The following COL4A4 variants were observed in gnomAD, a reference collection of about 807,000 sequenced individuals.
The protein encoded by COL4A4 is collagen type IV alpha 4 chain, also known as collagen alpha-4(IV) chain.
A neutral mutation model predicts 192.9 loss-of-function variants in COL4A4; 105 were observed. That is an observed-to-expected ratio of 0.54 (90% CI 0.46 to 0.64). The LOEUF is 0.64. Among genes scored for constraint, COL4A4 ranks in the 30% least tolerant of loss-of-function variants. COL4A4 has a pLI of 0.00. For synonymous variants in COL4A4, 762 were observed against 769.9 expected, an observed-to-expected ratio of 0.99 and a Z score of 0.17; for missense variants, 1,967 against 2,169.3, an observed-to-expected ratio of 0.91 and a Z score of 1.85.
chr2:227,099,957 T>C (rs1192933491), intron 17 of COL4A4, among the ~76,000 whole-genome samples: 1 of 152,224 alleles, frequency 6.6e-6, no homozygotes, highest in East Asian at 1.9e-4. Flanking sequence ...TCTATGCCTA[T>C]AAATTGGATA....
intron 37 of COL4A4, among the ~76,000 whole-genome samples, chr2:227,041,846 A>AAGAGAGAGAGAGAGAGAG (rs767450885): frequency 1.3e-4 from 5 of 39,302 alleles, no homozygotes; most frequent in African/African-American, 5.4e-4. Flanking sequence ...GAAAGAAAGA[A>AAGAGAGAGAGAGAGAGAG]AGAGAAAGAA....
At chr2:227,163,715 T>A (rs996873132) in intron 1 of COL4A4, among the ~76,000 whole-genome samples, 5 of 152,224 alleles carry the variant, frequency 3.3e-5, no homozygotes, top group Non-Finnish European at 7.3e-5. Flanking sequence ...CAGCGGAGAA[T>A]AAGATGGGCT....
Position 227,051,160 on chromosome 2 carries a change from T to C in COL4A4, c.2969-2A>G. 2 of 1,614,132 alleles carry C rather than the reference T, an allele frequency of 1.2e-6. No individual in the cohort carries two copies. The highest frequency in any genetic ancestry group is 1.7e-6 in the Non-Finnish European group (2 of 1,179,970). ...GCATCCCGGGAGTTCCTTTATCACC[T>C]GATGAAGTTGGAAGTGTTACAGGTC... On this transcript the variant is annotated splice_acceptor_variant, in intron 32 of 47. Coordinates refer to ENST00000396625, the MANE Select transcript of COL4A4 (RefSeq NM_000092.5). LOFTEE classifies it high-confidence loss of function.
intron 4 of COL4A4, among the ~76,000 whole-genome samples, chr2:227,134,265 C>G (rs1241044930): frequency 6.6e-6 from 1 of 152,184 alleles, no homozygotes; most frequent in Non-Finnish European, 1.5e-5. Flanking sequence ...TCTGAGTCTG[C>G]CATCTCTGAC....
downstream of COL4A4, among the ~76,000 whole-genome samples, chr2:227,001,657 G>C (rs189715600): frequency 4.6e-5 from 7 of 152,304 alleles, no homozygotes; most frequent in Admixed American, 4.6e-4. Context: ...GATTCTACTA[G>C]ATGGTGACTG....
chr2:227,156,276 G>A (rs1046734563), intron 1 of COL4A4, among the ~76,000 whole-genome samples: 1 of 151,822 alleles, frequency 6.6e-6, no homozygotes, highest in Non-Finnish European at 1.5e-5. Flanking sequence ...GCACGTGCCT[G>A]TATTCTCAGC....
Position 227,059,595 on chromosome 2 carries a change from A to C in COL4A4, c.2193T>G (p.Gly731=), listed in dbSNP as rs778524697. The change falls in exon 28 of 48, where the codon GGT becomes GGG. Residue 731 remains glycine (G), a synonymous_variant. Transcript: ENST00000396625. Reference sequence around the variant, plus strand: ...GGGAGGACCCCTTTTCACCTCCAAAACCCGGATCTCCCATGTCACCACGAA... The same window carrying C: ...GGGAGGACCCCTTTTCACCTCCAAACCCCGGATCTCCCATGTCACCACGAA... ...PGFRGDMGDP[G]FGGEKGSSPV... The C allele has an allele frequency of 4.0e-5, 65 of 1,613,896 alleles. No individual in the cohort carries two copies. The highest frequency in any genetic ancestry group is 4.9e-5 in the Non-Finnish European group (58 of 1,180,002).
chr2:226,969,761 A>C, the COL4A4 span, among the ~76,000 whole-genome samples: 4 of 152,214 alleles, frequency 2.6e-5, no homozygotes, highest in Admixed American at 2.0e-4. Flanking sequence ...GTTATTTTTT[A>C]AATGTGATTT....
intron 2 of COL4A4, among the ~76,000 whole-genome samples, chr2:227,145,840 C>T (rs2063514425): frequency 6.6e-6 from 1 of 152,190 alleles, no homozygotes; most frequent in Non-Finnish European, 1.5e-5. Flanking sequence ...CCTCTCTCCT[C>T]AGCTGTTTTC....
chr2:227,093,540 G>A (rs967829092), intron 20 of COL4A4, among the ~76,000 whole-genome samples: 3 of 151,716 alleles, frequency 2.0e-5, no homozygotes, highest in Non-Finnish European at 2.9e-5. Context: ...CAAGGGTCCC[G>A]TGGCACCCAC....
chr2:227,031,040 C>T (rs79704011), intron 40 of COL4A4, among the ~76,000 whole-genome samples: 13 of 32,956 alleles, frequency 3.9e-4, no homozygotes, highest in African/African-American at 1.3e-3. Context: ...GTTGGATGGA[C>T]AGATGGATGG....
At chr2:226,976,490 C>T in the COL4A4 span, among the ~76,000 whole-genome samples, 1 of 152,028 alleles carries the variant, frequency 6.6e-6, no homozygotes, top group Non-Finnish European at 1.5e-5. Context: ...GAAACCCTCC[C>T]CTGCCTTTTC....
chr2:227,088,954 T>C, intron 21 of COL4A4, 138 bp from the exon 22 acceptor site: 1 of 1,013,586 alleles, frequency 9.9e-7, no homozygotes, highest in Non-Finnish European at 1.5e-6. Context: ...TGAGAGCACG[T>C]GCTGTGGGGG....
Position 227,027,638 on chromosome 2 carries a change from AAT to A in COL4A4, c.4081+262_4081+263del, listed in dbSNP as rs55816470. Reference sequence around the variant, plus strand: ...CACTAGAACTTAAAGTATAATAAAAAATATATATATATAGAAAAAAATTAAAA... The same window carrying A: ...CACTAGAACTTAAAGTATAATAAAAAATATATATATAGAAAAAAATTAAAA... On this transcript the variant is annotated intron_variant, in intron 42 of 47. Coordinates refer to ENST00000396625, the MANE Select transcript of COL4A4 (RefSeq NM_000092.5). Among the ~76,000 whole-genome samples the A allele has an allele frequency of 0.47, 69,768 of 149,552 alleles. 16,515 individuals are homozygous for A. Among genetic ancestry groups the A allele is most frequent in the South Asian group, 0.54 (2,601 of 4,778 alleles).
rs184769758 is a variant in COL4A4 at position 227,024,281 on chromosome 2, C to T, written c.4090+1521G>A. Reference sequence around the variant, plus strand: ...ATCCCAGCACTTTGGGAGGCCGAGGCGGGTGGACTGCCTGAGTTTGGGAGT... The same window carrying T: ...ATCCCAGCACTTTGGGAGGCCGAGGTGGGTGGACTGCCTGAGTTTGGGAGT... On this transcript the variant is annotated intron_variant, in intron 43 of 47. Coordinates refer to ENST00000396625, the MANE Select transcript of COL4A4 (RefSeq NM_000092.5). Among the ~76,000 whole-genome samples, 174 of 152,290 alleles carry T rather than the reference C, an allele frequency of 1.1e-3. 1 individual carries two copies. The highest frequency in any genetic ancestry group is 5.0e-3 in the East Asian group (26 of 5,168).
chr2:227,017,297 C>A (rs949481609), intron 44 of COL4A4, among the ~76,000 whole-genome samples: 3 of 152,210 alleles, frequency 2.0e-5, no homozygotes, highest in Admixed American at 2.0e-4. Flanking sequence ...AGGCGGAAGA[C>A]ATTTCCTGAG....
At chr2:227,034,122 G>A (rs1474751812) in intron 37 of COL4A4, among the ~76,000 whole-genome samples, 29 of 152,352 alleles carry the variant, frequency 1.9e-4, no homozygotes, top group East Asian at 3.9e-4. Flanking sequence ...ACTCCCGTCT[G>A]TGTAAACAGA....
At chr2:227,149,820 A>G (rs2063802465) in intron 1 of COL4A4, among the ~76,000 whole-genome samples, 1 of 152,166 alleles carries the variant, frequency 6.6e-6, no homozygotes, top group Non-Finnish European at 1.5e-5. Context: ...TGGTCCTAAC[A>G]CCTGGGAGTT....
chr2:226,988,787 C>G, the COL4A4 span: 1 of 826,190 alleles, frequency 1.2e-6, no homozygotes, highest in Non-Finnish European at 1.5e-6. Flanking sequence ...AAACTGTTCT[C>G]TATTTTAGAA....
Sources: gnomAD v4.1 joint callset for allele counts (sites outside exome capture counted in the v4.1 genomes callset) on GRCh38, gnomAD v4.1.1 for gene constraint, MANE v1.5 for transcripts, NCBI Gene and HGNC (gene_info 2026-07-23, HGNC 2026-07-21) for gene names.